ANKRD61: variants seen among roughly 807,000 people sequenced by gnomAD.
The protein encoded by ANKRD61 is ankyrin repeat domain-containing protein 61.
ANKRD61 carries 7 observed loss-of-function variants against 8.4 expected under a neutral mutation model. That is an observed-to-expected ratio of 0.84 (90% CI 0.48 to 1.57). The LOEUF is 1.57. Among genes scored for constraint, ANKRD61 ranks in the 40% most tolerant of loss-of-function variants. The pLI, the probability that ANKRD61 is intolerant of heterozygous loss-of-function variation, is 0.00. For synonymous variants in ANKRD61, 198 were observed against 208.0 expected, an observed-to-expected ratio of 0.95 and a Z score of 0.41; for missense variants, 516 against 523.4, an observed-to-expected ratio of 0.99 and a Z score of 0.14.
At position 6,031,482 on chromosome 7, in the gene ANKRD61, T is replaced by A; in HGVS notation, c.107T>A (p.Ile36Asn). The A allele has an allele frequency of 6.4e-7, 1 of 1,550,670 alleles. No individual in the cohort carries two copies. Residue 36 changes from isoleucine to asparagine, a missense_variant, in exon 1 of 3, where the codon ATC becomes AAC. Physicochemically the swap from Ile to Asn is moderately radical, Grantham distance 149. Coordinates refer to ENST00000409061, the MANE Select transcript of ANKRD61 (RefSeq NM_001271700.2). ...CTTCACTCGAAACTCTATGAAGCCA[T>A]CATGAGAGAAGACTGCACTACGATC... ...AALHSKLYEA[I>N]MREDCTTIEV...
Position 6,032,742 on chromosome 7 carries a change from C to A in ANKRD61, c.217-97C>A. 2.0e-6 allele frequency: 2 copies of A among 979,510 alleles called. No homozygotes were observed. Among genetic ancestry groups the A allele is most frequent in the South Asian group, 1.6e-5 (1 of 63,600 alleles). 60.7% of individuals were successfully genotyped at this position (979,510 alleles called of 1,614,324 possible). On this transcript the variant is annotated intron_variant, in intron 1 of 2. Coordinates refer to ENST00000409061, the MANE Select transcript of ANKRD61 (RefSeq NM_001271700.2). This position sits in a 1 kb window ranked among gnomAD's most constrained non-coding sequence, Gnocchi z 4.3. ...AGAAAAAGAGTGAGCCAATGAGACA[C>A]TAAATAAATGTATTGCCTTTGAAAC... is the stretch of plus-strand genomic sequence containing the variant.
Position 6,035,343 on chromosome 7 carries a change from G to A in ANKRD61, c.315-101G>A, listed in dbSNP as rs1389227135. 3 of 1,129,838 alleles carry A rather than the reference G, an allele frequency of 2.7e-6. No homozygotes were observed. Among genetic ancestry groups the A allele is most frequent in the Admixed American group, 2.6e-5 (1 of 38,924 alleles). 70.0% of individuals were successfully genotyped at this position (1,129,838 alleles called of 1,614,324 possible). On this transcript the variant is annotated intron_variant, in intron 2 of 2. Coordinates refer to ENST00000409061, the MANE Select transcript of ANKRD61 (RefSeq NM_001271700.2). This position sits in a 1 kb window ranked among gnomAD's most constrained non-coding sequence, Gnocchi z 5.5. ...AACACGTCCTTAAGGTAATTGAAGG[G>A]TCTTACTTTAAATAAATACTGGCTT...
At chr7:6,034,418 G>A (rs1788013185) in intron 2 of ANKRD61, among the ~76,000 whole-genome samples, 1 of 152,062 alleles carries the variant, frequency 6.6e-6, no homozygotes, top group Non-Finnish European at 1.5e-5. Flanking sequence ...CCCCAGCTCT[G>A]CAAGTCCTCT....
In ANKRD61 at chr7:6,031,445, C is replaced by G. The variant is rs1050376510; in HGVS notation, c.70C>G (p.Pro24Ala). The G allele has an allele frequency of 6.4e-7, 1 of 1,550,722 alleles. No individual in the cohort carries two copies. The highest frequency in any genetic ancestry group is 2.0e-5 in the Admixed American group (1 of 50,984). ...CAGTGCCAAGTCCCTGGAAGATGGC[C>G]CATCTGCAGCACTTCACTCGAAACT... The part of the protein sequence containing the change: ...VDSAKSLEDG[P>A]SAALHSKLYE... Residue 24 changes from proline to alanine, a missense_variant, in exon 1 of 3, where the codon CCA (proline) becomes GCA (alanine). By Grantham distance (27) the Pro-to-Ala change is conservative. Coordinates refer to ENST00000409061, the MANE Select transcript of ANKRD61 (RefSeq NM_001271700.2).
Position 6,032,726 on chromosome 7 carries a change from G to T in ANKRD61, c.217-113G>T. ...TTTCAATGCACATACCAGAAAAAGA[G>T]TGAGCCAATGAGACACTAAATAAAT... is the stretch of plus-strand genomic sequence containing the variant. On this transcript the variant is annotated intron_variant, in intron 1 of 2. Transcript: ENST00000409061. The surrounding 1 kb of genome is among the most constrained non-coding windows in gnomAD (Gnocchi z 4.3). 1.3e-6 allele frequency: 1 copy of T among 779,718 alleles called. No homozygotes were observed. Among genetic ancestry groups the T allele is most frequent in the Non-Finnish European group, 2.0e-6 (1 of 493,696 alleles). 48.3% of individuals were successfully genotyped at this position (779,718 alleles called of 1,614,324 possible). A position where few individuals can be genotyped will look rare whatever the true frequency, so the allele number is the denominator to read the frequency against.
chr7:6,036,239 G>C lies in ANKRD61; in HGVS notation c.1110G>C (p.Ser370=). The change falls in exon 3 of 3, where the codon TCG becomes TCC. Residue 370 remains serine, a synonymous_variant. Coordinates refer to ENST00000409061, the MANE Select transcript of ANKRD61 (RefSeq NM_001271700.2). The surrounding 1 kb of genome is among the most constrained non-coding windows in gnomAD (Gnocchi z 4.6). ...TAAGGGACACCCTAATAAAGCAATCGCAAAAACCTTTATCCCTACAGGGTA... is the reference window on the plus strand; with the variant it reads ...TAAGGGACACCCTAATAAAGCAATCCCAAAAACCTTTATCCCTACAGGGTA... ...RLLRDTLIKQ[S]QKPLSLQGIC... 6 of 1,549,346 alleles carry C rather than the reference G, an allele frequency of 3.9e-6. No individual in the cohort carries two copies. The highest frequency in any genetic ancestry group is 2.4e-5 in the South Asian group (2 of 83,972).
chr7:6,035,376 A>G lies in ANKRD61; in HGVS notation c.315-68A>G. 1 of 1,388,552 alleles carries G rather than the reference A, an allele frequency of 7.2e-7. No individual in the cohort carries two copies. The highest frequency in any genetic ancestry group is 1.4e-5 in the South Asian group (1 of 73,444). The allele number at this position is 1,388,552 out of a possible 1,614,324, so 86.0% of individuals were successfully genotyped here. ...TTAAATAAATACTGGCTTCTTAAGC[A>G]TTAACTGTCCACGTAGAGCCGTTCC... On this transcript the variant is annotated intron_variant, in intron 2 of 2. Transcript: ENST00000409061. This position sits in a 1 kb window ranked among gnomAD's most constrained non-coding sequence, Gnocchi z 5.5.
chr7:6,031,642 A>G, intron 1 of ANKRD61, 51 bp downstream of exon 1: 2 of 1,529,956 alleles, frequency 1.3e-6, no homozygotes, highest in Non-Finnish European at 1.8e-6. Flanking sequence ...GGCTGCTTAG[A>G]AAGAAGCATG....
Position 6,036,158 on chromosome 7 carries a change from G to C in ANKRD61, c.1029G>C (p.Met343Ile). 3.9e-6 allele frequency: 6 copies of C among 1,549,996 alleles called. No individual in the cohort carries two copies. The highest frequency in any genetic ancestry group is 5.2e-6 in the Non-Finnish European group (6 of 1,146,624). ...RLLYHTYPLR[M>I]TNNQGILPAG... ...TTTATCACACTTATCCTCTGAGAATGACCAATAACCAAGGAATTCTACCTG... is the reference window on the plus strand; with the variant it reads ...TTTATCACACTTATCCTCTGAGAATCACCAATAACCAAGGAATTCTACCTG... Residue 343 changes from methionine to isoleucine, a missense_variant, in exon 3 of 3, where the codon ATG (methionine) becomes ATC (isoleucine). Met to Ile is a conservative substitution (Grantham distance 10, BLOSUM62 1). Coordinates refer to ENST00000409061, the MANE Select transcript of ANKRD61 (RefSeq NM_001271700.2). This position sits in a 1 kb window ranked among gnomAD's most constrained non-coding sequence, Gnocchi z 4.6.
Position 6,031,585 on chromosome 7 carries a change from G to A in ANKRD61, c.210G>A (p.Leu70=), listed in dbSNP as rs1488918836. ...ACTCCGCCAGCAACAGATTACTTCT[G>A]ACCCAGGTACCCTCTTTTCTGCTCA... The part of the protein sequence containing the change: ...LPNSASNRLL[L]TQPTESIIPI... The change falls in exon 1 of 3, where the codon CTG becomes CTA. Residue 70 remains leucine, a synonymous_variant. Coordinates refer to ENST00000409061, the MANE Select transcript of ANKRD61 (RefSeq NM_001271700.2). The A allele has an allele frequency of 1.1e-5, 17 of 1,550,678 alleles. No homozygotes were observed. The highest frequency in any genetic ancestry group is 1.5e-5 in the Non-Finnish European group (17 of 1,146,958).
In ANKRD61 at chr7:6,032,727, T is replaced by G. The variant is rs557559430; in HGVS notation, c.217-112T>G. On this transcript the variant is annotated intron_variant, in intron 1 of 2. Transcript: ENST00000409061. The surrounding 1 kb of genome is among the most constrained non-coding windows in gnomAD (Gnocchi z 4.3). ...TTCAATGCACATACCAGAAAAAGAGTGAGCCAATGAGACACTAAATAAATG... is the reference window on the plus strand; with the variant it reads ...TTCAATGCACATACCAGAAAAAGAGGGAGCCAATGAGACACTAAATAAATG... 2 of 773,218 alleles carry G rather than the reference T, an allele frequency of 2.6e-6. No homozygotes were observed. Among genetic ancestry groups the G allele is most frequent in the African/African-American group, 1.8e-5 (1 of 56,518 alleles). 47.9% of individuals were successfully genotyped at this position (773,218 alleles called of 1,614,324 possible). A position where few individuals can be genotyped will look rare whatever the true frequency, so the allele number is the denominator to read the frequency against.
chr7:6,031,701 A>C, intron 1 of ANKRD61, 110 bp downstream of exon 1: 4 of 1,014,490 alleles, frequency 3.9e-6, no homozygotes, highest in East Asian at 2.7e-5. Context: ...TGAGAATGAG[A>C]CACGACTCCA....
Position 6,032,848 on chromosome 7 carries a change from T to C in ANKRD61, c.226T>C (p.Ser76Pro), listed in dbSNP as rs9692560. 7.4e-3 allele frequency: 11,442 copies of C among 1,550,752 alleles called. 680 individuals are homozygous for C. In the African/African-American group the frequency reaches 0.14, roughly 18 times the overall value. The change falls in exon 2 of 3, where the codon TCT becomes CCT. Residue 76 changes from serine to proline, a missense_variant. Transcript: ENST00000409061. The surrounding 1 kb of genome is among the most constrained non-coding windows in gnomAD (Gnocchi z 4.3). ...NRLLLTQPTE[S>P]IIPIHLAAKY... Reference sequence around the variant, plus strand: ...TGTTTTCCCTCCAAAGCCGACAGAGTCTATCATCCCCATCCATCTGGCTGC... The same window carrying C: ...TGTTTTCCCTCCAAAGCCGACAGAGCCTATCATCCCCATCCATCTGGCTGC...
Position 6,033,714 on chromosome 7 carries a change from C to G in ANKRD61, c.314+778C>G, listed in dbSNP as rs1336214197. On this transcript the variant is annotated intron_variant, in intron 2 of 2. Coordinates refer to ENST00000409061, the MANE Select transcript of ANKRD61 (RefSeq NM_001271700.2). This position sits in a 1 kb window ranked among gnomAD's most constrained non-coding sequence, Gnocchi z 4.4. ...CCTCCCAAGTAGCTGGGACTACAGG[C>G]GCCTGCCACCACGCCTGGCTAATTT... Among the ~76,000 whole-genome samples the G allele has an allele frequency of 6.6e-6, 1 of 151,980 alleles. No individual in the cohort carries two copies. The highest frequency in any genetic ancestry group is 2.4e-5 in the African/African-American group (1 of 41,396).
Position 6,036,353 on chromosome 7 carries a change from C to G in ANKRD61, c.1224C>G (p.Val408=). The change falls in exon 3 of 3, where the codon GTC becomes GTG. Residue 408 remains valine, a synonymous_variant. Coordinates refer to ENST00000409061, the MANE Select transcript of ANKRD61 (RefSeq NM_001271700.2). The surrounding 1 kb of genome is among the most constrained non-coding windows in gnomAD (Gnocchi z 4.6). ...TCCCAGTGACAATATGGAATTCTGT[C>G]TACTGCTGTTATGACTTGGCATATA... ...QFLPVTIWNS[V]YCCYDLAYTS 1.3e-6 allele frequency: 2 copies of G among 1,524,272 alleles called. No individual in the cohort carries two copies. Among genetic ancestry groups the G allele is most frequent in the Non-Finnish European group, 8.8e-7 (1 of 1,136,772 alleles). 94.4% of individuals were successfully genotyped at this position (1,524,272 alleles called of 1,614,324 possible).
chr7:6,035,958 AAGGG>A lies in ANKRD61; in HGVS notation c.830_833del (p.Lys277ThrfsTer30). The A allele has an allele frequency of 6.5e-7, 1 of 1,549,774 alleles. No homozygotes were observed. Among genetic ancestry groups the A allele is most frequent in the Non-Finnish European group, 8.7e-7 (1 of 1,146,298 alleles). On this transcript the variant is annotated frameshift_variant, in exon 3 of 3. Coordinates refer to ENST00000409061, the MANE Select transcript of ANKRD61 (RefSeq NM_001271700.2). LOFTEE classifies it low-confidence loss of function (END_TRUNC). The surrounding 1 kb of genome is among the most constrained non-coding windows in gnomAD (Gnocchi z 5.5). The stretch of plus-strand genomic sequence containing the variant: ...AGCCAAAGTCAACGCCCAGGACTAC[AAGGG>A]CCAAACAGCCATCCATGAGGCATGC...
rs564057402 is a variant in ANKRD61, at chr7:6,032,087, T to C, written c.216+496T>C. On this transcript the variant is annotated intron_variant, in intron 1 of 2. Coordinates refer to ENST00000409061, the MANE Select transcript of ANKRD61 (RefSeq NM_001271700.2). This position sits in a 1 kb window ranked among gnomAD's most constrained non-coding sequence, Gnocchi z 4.3. ...TACTCGGACGGCTGAGGCAGGAGAA[T>C]TGCTTGAACCCAGGAGGCAGAGGTT... Among the ~76,000 whole-genome samples the C allele has an allele frequency of 1.5e-4, 23 of 152,180 alleles. No homozygotes were observed. Among genetic ancestry groups the C allele is most frequent in the African/African-American group, 4.6e-4 (19 of 41,518 alleles).
rs559505366 is a variant in ANKRD61, at chr7:6,032,929, G to A, written c.307G>A (p.Glu103Lys). ...LCLLRHGADPEVRDTTGLTTL... is the reference protein window; with the variant it reads ...LCLLRHGADPKVRDTTGLTTL... ...CCTGTTACGGCACGGTGCTGACCCA[G>A]AAGTCAGGTAAGTTAACTCCACCGA... Residue 103 changes from glutamate (E) to lysine (K), a missense_variant, in exon 2 of 3, where the codon GAA becomes AAA. Physicochemically the swap from Glu to Lys is moderately conservative, Grantham distance 56 (BLOSUM62 1). Coordinates refer to ENST00000409061, the MANE Select transcript of ANKRD61 (RefSeq NM_001271700.2). The surrounding 1 kb of genome is among the most constrained non-coding windows in gnomAD (Gnocchi z 4.3). 4.5e-6 allele frequency: 7 copies of A among 1,550,156 alleles called. No homozygotes were observed. The South Asian group carries it at 6.0e-5, about 13-fold the overall frequency.
At position 6,032,767 on chromosome 7, in the gene ANKRD61, C is replaced by T. The variant is rs1037074249; in HGVS notation, c.217-72C>T. On this transcript the variant is annotated intron_variant, in intron 1 of 2. Coordinates refer to ENST00000409061, the MANE Select transcript of ANKRD61 (RefSeq NM_001271700.2). The surrounding 1 kb of genome is among the most constrained non-coding windows in gnomAD (Gnocchi z 4.3). ...CTAAATAAATGTATTGCCTTTGAAA[C>T]GGCAAGCTAACACAAACAGTATTTT... 53 of 1,278,440 alleles carry T rather than the reference C, an allele frequency of 4.1e-5. No homozygotes were observed. Among genetic ancestry groups the T allele is most frequent in the African/African-American group, 1.3e-4 (9 of 66,840 alleles). The allele number at this position is 1,278,440 out of a possible 1,614,324, so 79.2% of individuals were successfully genotyped here.
Sources: allele counts gnomAD v4.1 joint callset (sites outside exome capture counted in the v4.1 genomes callset), GRCh38; gene constraint gnomAD v4.1.1; non-coding constraint Gnocchi (gnomAD v3.1); transcripts MANE v1.5; gene names NCBI Gene and HGNC (gene_info 2026-07-23, HGNC 2026-07-21).